The following PIK3C3 variants were observed in gnomAD, a reference collection of about 807,000 sequenced individuals.
The protein encoded by PIK3C3 is PI3-kinase type 3.
PIK3C3 carries 95 observed loss-of-function variants against 126.1 expected under a neutral mutation model. The observed-to-expected ratio is 0.75, with a 90% CI of 0.64 to 0.89. The LOEUF (loss-of-function observed/expected upper bound fraction) is 0.89. Among genes scored for constraint, PIK3C3 ranks in the 40% least tolerant of loss-of-function variants. The pLI is 0.00. For missense variants in PIK3C3, 829 were observed against 1,063.2 expected (o/e 0.78, Z 3.06); for synonymous variants, 374 against 360.0 (o/e 1.04, Z -0.44).
chr18:41,991,398 A>T (rs981611332), intron 6 of PIK3C3, among the ~76,000 whole-genome samples: 1 of 152,116 alleles, frequency 6.6e-6, no homozygotes, highest in Non-Finnish European at 1.5e-5. Context: ...CATAGTTTGA[A>T]ACCACATAAA....
chr18:42,012,743 A>T (rs374973565), intron 10 of PIK3C3, among the ~76,000 whole-genome samples: 3 of 152,164 alleles, frequency 2.0e-5, no homozygotes, highest in African/African-American at 4.8e-5. Flanking sequence ...TTTTAGTCCA[A>T]GTTATCTCAT....
intron 9 of PIK3C3, among the ~76,000 whole-genome samples, chr18:42,000,243 G>C (rs920969972): frequency 1.9e-4 from 29 of 151,972 alleles, no homozygotes; most frequent in Admixed American, 9.8e-4. Context: ...GTAGAGACAG[G>C]GTTTCACCAT....
rs1291968474 is a variant in PIK3C3, at chr18:41,973,448, A to G, written c.531+2992A>G. On this transcript the variant is annotated intron_variant, in intron 4 of 24. Coordinates refer to ENST00000262039, the MANE Select transcript of PIK3C3 (RefSeq NM_002647.4). ...TACTCTCTTACTCTTTAGTTAATTAATTAATTAAGTTAGTTAATTTACTAA... is the reference window on the plus strand; with the variant it reads ...TACTCTCTTACTCTTTAGTTAATTAGTTAATTAAGTTAGTTAATTTACTAA... Among the ~76,000 whole-genome samples the G allele has an allele frequency of 2.6e-5, 4 of 152,080 alleles. No individual in the cohort carries two copies. The East Asian group carries it at 7.7e-4, about 29-fold the overall frequency.
chr18:42,038,609 G>A (rs1165113372), intron 17 of PIK3C3, among the ~76,000 whole-genome samples, 172 bp from the exon 18 acceptor site: 1 of 152,082 alleles, frequency 6.6e-6, no homozygotes, highest in Non-Finnish European at 1.5e-5. Flanking sequence ...CTCCCAAAGT[G>A]CTGGGATTAC....
In PIK3C3 at chr18:42,057,950, G is replaced by GA; in HGVS notation, c.2333dup (p.Leu779AlafsTer3). The GA allele has an allele frequency of 1.9e-6, 3 of 1,613,714 alleles. No homozygotes were observed. Among genetic ancestry groups the GA allele is most frequent in the Non-Finnish European group, 2.5e-6 (3 of 1,179,776 alleles). ...ATCCAAAGCCTCTTCCTCCACCAAT[G>GA]AAGCTGAATAAAGAAATGGTAGAAG... On this transcript the variant is annotated frameshift_variant, in exon 22 of 25. Transcript: ENST00000262039. LOFTEE classifies it high-confidence loss of function.
intron 24 of PIK3C3, among the ~76,000 whole-genome samples, chr18:42,078,840 T>G (rs1986133158): frequency 6.6e-6 from 1 of 152,222 alleles, no homozygotes; most frequent in African/African-American, 2.4e-5. Flanking sequence ...TCTGCTACCT[T>G]TAGACTTCTC....
chr18:41,969,437 C>T (rs976334542), intron 3 of PIK3C3, among the ~76,000 whole-genome samples: 3 of 152,116 alleles, frequency 2.0e-5, no homozygotes, highest in Non-Finnish European at 4.4e-5. Context: ...ATCTAAAGCT[C>T]TTTATGAGTT....
intron 10 of PIK3C3, among the ~76,000 whole-genome samples, chr18:42,010,687 A>C (rs1186349088): frequency 6.6e-6 from 1 of 152,116 alleles, no homozygotes; most frequent in Non-Finnish European, 1.5e-5. Context: ...AGAAAGTTAG[A>C]ATCAACTTCT....
intron 11 of PIK3C3, 64 bp downstream of exon 11, chr18:42,013,660 C>A (rs1275027481): frequency 3.2e-5 from 41 of 1,265,130 alleles, no homozygotes; most frequent in Non-Finnish European, 4.6e-5. Flanking sequence ...AAATTGTTTT[C>A]TCTTTTCCTT....
chr18:42,033,250 T>A (rs1983907350), intron 15 of PIK3C3, among the ~76,000 whole-genome samples: 1 of 152,206 alleles, frequency 6.6e-6, no homozygotes. Context: ...GTTTCTGGAA[T>A]GTTAGCTTAA....
chr18:41,957,586 A>T lies in PIK3C3; in HGVS notation c.85A>T (p.Lys29Ter). The change falls in exon 2 of 25, where the codon AAG becomes TAG. Residue 29 changes from lysine (K) to a stop codon, truncating the protein, a stop_gained. Coordinates refer to ENST00000262039, the MANE Select transcript of PIK3C3 (RefSeq NM_002647.4). LOFTEE classifies it high-confidence loss of function. ...VQLKIGSLEG[K>*]REQKSYKAVL... ...TGCTTTCAGAGGAAGCTTGGAAGGG[A>T]AGAGAGAACAAAAGAGTTATAAAGC... The T allele has an allele frequency of 6.2e-7, 1 of 1,608,460 alleles. No homozygotes were observed. The highest frequency in any genetic ancestry group is 1.1e-5 in the South Asian group (1 of 90,006).
Position 42,084,585 on chromosome 18 carries a change from C to CAAA in PIK3C3, c.*3467_*3469dup, listed in dbSNP as rs58697677. ...TAGTATAGAGTAGCTAAAAACAAAC[C>CAAA]AAAAAAAAAAAAAAAAAAAAAGGAA... On this transcript the variant is annotated 3_prime_UTR_variant, in exon 25 of 25. Coordinates refer to ENST00000262039, the MANE Select transcript of PIK3C3 (RefSeq NM_002647.4). 1.0e-5 allele frequency: 1 copy of CAAA among 96,706 alleles called. No individual in the cohort carries two copies. The highest frequency in any genetic ancestry group is 2.1e-5 in the Non-Finnish European group (1 of 48,556). The allele number at this position is 96,706 out of a possible 1,614,324, so 6.0% of individuals were successfully genotyped here.
intron 1 of PIK3C3, 79 bp from the exon 2 acceptor site, chr18:41,957,491 G>T: frequency 7.3e-7 from 1 of 1,375,404 alleles, no homozygotes; most frequent in South Asian, 1.3e-5. Context: ...AAGCATATAT[G>T]TACATGCTTA....
intron 12 of PIK3C3, among the ~76,000 whole-genome samples, chr18:42,019,932 C>T (rs1009689356): frequency 6.6e-5 from 10 of 152,088 alleles, no homozygotes; most frequent in African/African-American, 2.4e-4. Flanking sequence ...TTCCTCTCCA[C>T]CAGCAGGTCC....
At chr18:42,064,167 G>T (rs551346293) in intron 22 of PIK3C3, among the ~76,000 whole-genome samples, 2 of 152,260 alleles carry the variant, frequency 1.3e-5, no homozygotes, top group South Asian at 4.1e-4. Flanking sequence ...TAGATATCTT[G>T]CCCATTTTTA....
At chr18:41,975,050 T>C (rs950972557) in intron 4 of PIK3C3, among the ~76,000 whole-genome samples, 1 of 152,060 alleles carries the variant, frequency 6.6e-6, no homozygotes, top group African/African-American at 2.4e-5. Flanking sequence ...CACAGATAGG[T>C]ATGGGAATGT....
intron 24 of PIK3C3, among the ~76,000 whole-genome samples, chr18:42,076,161 T>TATATGC (rs1568013817): frequency 2.1e-5 from 2 of 96,944 alleles, no homozygotes; most frequent in African/African-American, 1.0e-4. Context: ...TATATATATA[T>TATATGC]GCACATATAT....
At chr18:41,961,800 A>C (rs1420885532) in intron 2 of PIK3C3, among the ~76,000 whole-genome samples, 1 of 152,190 alleles carries the variant, frequency 6.6e-6, no homozygotes, top group Non-Finnish European at 1.5e-5. Context: ...ATTTACATAA[A>C]TATATAGAGG....
Position 42,081,237 on chromosome 18 carries a change from A to G in PIK3C3, c.*100A>G, listed in dbSNP as rs1986238520. On this transcript the variant is annotated 3_prime_UTR_variant, in exon 25 of 25. Transcript: ENST00000262039. ...CTTCAGAGTAACCAGCAAGGAAGAG[A>G]AATCTTAATCTTCAAGTTACCATAT... 1 of 721,144 alleles carries G rather than the reference A, an allele frequency of 1.4e-6. No homozygotes were observed. Among genetic ancestry groups the G allele is most frequent in the African/African-American group, 1.8e-5 (1 of 55,272 alleles). 44.7% of individuals were successfully genotyped at this position (721,144 alleles called of 1,614,324 possible).
Sources: allele counts gnomAD v4.1 joint callset (sites outside exome capture counted in the v4.1 genomes callset), GRCh38; gene constraint gnomAD v4.1.1; transcripts MANE v1.5; gene names NCBI Gene and HGNC (gene_info 2026-07-23, HGNC 2026-07-21).